The following UNC13C variants were observed in gnomAD, a reference collection of about 807,000 sequenced individuals.
UNC13C encodes the protein protein unc-13 homolog C.
A neutral mutation model predicts 245.4 loss-of-function variants in UNC13C; 174 were observed. The observed-to-expected ratio is 0.71, with a 90% CI of 0.63 to 0.80. The LOEUF is 0.80. UNC13C is among the 30% of genes least tolerant of loss of function. The pLI is 0.00. For missense variants in UNC13C, 2,829 were observed against 2,602.9 expected (o/e 1.09, Z -1.89); for synonymous variants, 992 against 895.1 (o/e 1.11, Z -1.93).
At chr15:54,272,497 G>C (rs1377213149) in intron 10 of UNC13C, among the ~76,000 whole-genome samples, 2 of 152,158 alleles carry the variant, frequency 1.3e-5, no homozygotes, top group Non-Finnish European at 2.9e-5. Context: ...TTCCTCAGTT[G>C]TCTGAGCCAT....
intron 2 of UNC13C, among the ~76,000 whole-genome samples, chr15:54,059,355 C>T (rs1284027674): frequency 1.3e-5 from 2 of 152,098 alleles, no homozygotes; most frequent in Admixed American, 1.3e-4. Flanking sequence ...GAGTGAACTC[C>T]CATTCACAAT....
chr15:53,852,226 AAACC>A, the UNC13C span, among the ~76,000 whole-genome samples: 1 of 152,172 alleles, frequency 6.6e-6, no homozygotes, highest in Non-Finnish European at 1.5e-5. Flanking sequence ...TGTGTGGGGT[AAACC>A]CCCACACATT....
intron 19 of UNC13C, among the ~76,000 whole-genome samples, chr15:54,456,192 C>G (rs1014279268): frequency 2.0e-5 from 3 of 152,180 alleles, no homozygotes; most frequent in African/African-American, 7.2e-5. Flanking sequence ...GTTCTCTATT[C>G]TGTTCCATTG....
chr15:54,115,423 T>C (rs189004463), intron 2 of UNC13C, among the ~76,000 whole-genome samples: 1 of 152,240 alleles, frequency 6.6e-6, no homozygotes, highest in East Asian at 1.9e-4. Context: ...TCAGTTCCCA[T>C]GTACAGGCAT....
intron 19 of UNC13C, among the ~76,000 whole-genome samples, chr15:54,422,315 A>G (rs749820334): frequency 6.6e-6 from 1 of 151,916 alleles, no homozygotes; most frequent in Non-Finnish European, 1.5e-5. Context: ...CTTCACTTTG[A>G]TACCTATCAT....
the UNC13C span, among the ~76,000 whole-genome samples, chr15:53,875,777 T>C: frequency 6.6e-6 from 1 of 152,198 alleles, no homozygotes; most frequent in African/African-American, 2.4e-5. Context: ...CTGTGTTCGA[T>C]TTTCTGTTGT....
At chr15:54,276,892 T>A (rs2036847397) in intron 10 of UNC13C, among the ~76,000 whole-genome samples, 1 of 152,130 alleles carries the variant, frequency 6.6e-6, no homozygotes, top group Non-Finnish European at 1.5e-5. Context: ...GACAACCTCC[T>A]AAAATAATTT....
intron 2 of UNC13C, among the ~76,000 whole-genome samples, chr15:54,119,472 T>C (rs573404717): frequency 6.6e-6 from 1 of 152,270 alleles, no homozygotes; most frequent in East Asian, 1.9e-4. Context: ...GTATTCTGAG[T>C]ACTCCACATA....
rs563766532 is a variant in UNC13C at position 54,009,737 on chromosome 15, G to T, written c.-256-2911G>T. 1.4e-4 allele frequency among the ~76,000 whole-genome samples: 21 copies of T among 152,120 alleles called. No individual in the cohort carries two copies. In the East Asian group the frequency reaches 3.7e-3, roughly 27 times the overall value. ...AATTTTTGTATTTTTAGTACAGATA[G>T]GATTTCACCAACTTGGCCAGGATGA... On this transcript the variant is annotated intron_variant, in intron 1 of 32. Coordinates refer to ENST00000260323, the MANE Select transcript of UNC13C (RefSeq NM_001080534.3).
intron 30 of UNC13C, among the ~76,000 whole-genome samples, chr15:54,586,555 A>C (rs939894979): frequency 6.6e-6 from 1 of 152,110 alleles, no homozygotes; most frequent in Non-Finnish European, 1.5e-5. Context: ...ACCTTAATTA[A>C]CTTTTTAAAG....
intron 19 of UNC13C, among the ~76,000 whole-genome samples, chr15:54,474,905 G>A (rs1191052700): frequency 6.6e-6 from 1 of 151,944 alleles, no homozygotes; most frequent in Admixed American, 6.6e-5. Context: ...AGGGAAGGGA[G>A]GTGCCAGACA....
chr15:54,063,662 C>A (rs1290623939), intron 2 of UNC13C, among the ~76,000 whole-genome samples: 2 of 152,122 alleles, frequency 1.3e-5, no homozygotes, highest in African/African-American at 4.8e-5. Flanking sequence ...TGAATGAATT[C>A]TAGGGACCAG....
intron 29 of UNC13C, among the ~76,000 whole-genome samples, chr15:54,567,315 T>G (rs972966606): frequency 6.6e-6 from 1 of 152,150 alleles, no homozygotes; most frequent in Non-Finnish European, 1.5e-5. Context: ...TCTGCACCAC[T>G]GTGTGATTAG....
intron 19 of UNC13C, among the ~76,000 whole-genome samples, chr15:54,455,204 T>C (rs545337032): frequency 0.016 from 872 of 53,808 alleles, 56 homozygotes; most frequent in Non-Finnish European, 0.02. Flanking sequence ...TCTCTCTCTC[T>C]CTATATATAT....
At chr15:54,321,159 A>G (rs1484370235) in intron 13 of UNC13C, 1 of 517,946 alleles carries the variant, frequency 1.9e-6, no homozygotes, top group African/African-American at 1.9e-5. Flanking sequence ...TTCTTACTTC[A>G]CAGTTGTGGC....
chr15:54,028,427 A>T (rs1487740471), intron 2 of UNC13C, among the ~76,000 whole-genome samples: 1 of 152,122 alleles, frequency 6.6e-6, no homozygotes. Context: ...CCACTAATCC[A>T]TCACGTCTCA....
chr15:53,920,974 G>T, the UNC13C span, among the ~76,000 whole-genome samples: 1 of 151,882 alleles, frequency 6.6e-6, no homozygotes, highest in Non-Finnish European at 1.5e-5. Context: ...ACCAAGGGAA[G>T]AGGCTAGAGG....
At chr15:53,912,097 T>A in the UNC13C span, 1 of 152,140 alleles carries the variant, frequency 6.6e-6, no homozygotes, top group African/African-American at 2.4e-5. Context: ...GTGGATTGAT[T>A]TACTTGCAGC....
intron 2 of UNC13C, among the ~76,000 whole-genome samples, chr15:54,044,270 G>A (rs1048967151): frequency 2.0e-5 from 3 of 152,124 alleles, no homozygotes; most frequent in East Asian, 1.9e-4. Context: ...TCCTTTTTGT[G>A]CCTGAGCAGT....
Sources: gnomAD v4.1 joint callset for allele counts (sites outside exome capture counted in the v4.1 genomes callset) on GRCh38, gnomAD v4.1.1 for gene constraint, MANE v1.5 for transcripts, NCBI Gene and HGNC (gene_info 2026-07-23, HGNC 2026-07-21) for gene names.